Variants in ARHGEF38 observed in about 807,000 individuals in gnomAD.
ARHGEF38 encodes Rho guanine nucleotide exchange factor 38.
In ARHGEF38, 79 loss-of-function variants were observed where a neutral mutation model predicts 79.9. The ratio of observed to expected loss-of-function variants is 0.99; its 90% CI spans 0.82 to 1.19. ARHGEF38 has a LOEUF of 1.19. ARHGEF38 is among the 50% of genes most tolerant of loss of function. The pLI, the probability that ARHGEF38 is intolerant of heterozygous loss-of-function variation, is 0.00. For synonymous variants in ARHGEF38, 366 were observed against 328.3 expected, an observed-to-expected ratio of 1.11 and a Z score of -1.24; for missense variants, 962 against 907.2, an observed-to-expected ratio of 1.06 and a Z score of -0.78.
intron 1 of ARHGEF38, among the ~76,000 whole-genome samples, chr4:105,569,647 A>G (rs990407243): frequency 1.3e-5 from 2 of 152,204 alleles, no homozygotes; most frequent in African/African-American, 4.8e-5. Flanking sequence ...GCAGTGGTTA[A>G]CATGCAGGTT....
chr4:105,636,426 T>A lies in ARHGEF38; in HGVS notation c.674+6T>A, dbSNP rs1191534249. ...AGGAAAATATACATGCAAGAGTAAGTACTTTTTAAAATAATATAAATCAAA... is the reference window on the plus strand; with the variant it reads ...AGGAAAATATACATGCAAGAGTAAGAACTTTTTAAAATAATATAAATCAAA... On this transcript the variant is annotated splice_donor_region_variant and intron_variant, in intron 5 of 13. Transcript: ENST00000420470. 9.3e-6 allele frequency: 4 copies of A among 429,440 alleles called. No individual in the cohort carries two copies. The highest frequency in any genetic ancestry group is 1.4e-5 in the Non-Finnish European group (4 of 283,282). 26.6% of individuals were successfully genotyped at this position (429,440 alleles called of 1,614,324 possible).
In ARHGEF38 at chr4:105,679,467, A is replaced by G. The variant is rs1193362919; in HGVS notation, c.*1530A>G. ...TATTTCCTCTAGGCTTTCCAGAGTC[A>G]TGGTCACAAACCCCTTATCAGAGTT... On this transcript the variant is annotated 3_prime_UTR_variant, in exon 14 of 14. Transcript: ENST00000420470. The G allele has an allele frequency of 1.9e-6, 3 of 1,589,336 alleles. No homozygotes were observed. Among genetic ancestry groups the G allele is most frequent in the Non-Finnish European group, 2.6e-6 (3 of 1,160,556 alleles).
chr4:105,553,475 A>G (rs939746964), intron 1 of ARHGEF38, among the ~76,000 whole-genome samples: 12 of 152,214 alleles, frequency 7.9e-5, no homozygotes, highest in African/African-American at 2.9e-4. Context: ...AGACGGTATA[A>G]AAAGATTTGC....
rs374819816 is a variant in ARHGEF38, at chr4:105,644,751, T to C, written c.675-437T>C. On this transcript the variant is annotated intron_variant, in intron 5 of 13. Coordinates refer to ENST00000420470, the MANE Select transcript of ARHGEF38 (RefSeq NM_001242729.2). ...GGAAGAGAGAGGCCAAGACTTCCTT[T>C]TAACTATACCTTTGCAAGCCTCTGT... Among the ~76,000 whole-genome samples, 15 of 152,338 alleles carry C rather than the reference T, an allele frequency of 9.8e-5. No homozygotes were observed. In the East Asian group the frequency reaches 1.9e-3, roughly 20 times the overall value.
intron 1 of ARHGEF38, among the ~76,000 whole-genome samples, chr4:105,555,654 G>A (rs1725220493): frequency 6.6e-6 from 1 of 152,014 alleles, no homozygotes; most frequent in South Asian, 2.1e-4. Context: ...TCAAATACTG[G>A]AATTTCTGGC....
rs570080166 is a variant in ARHGEF38, at chr4:105,577,970, G to A, written c.197-11278G>A. 1.2e-4 allele frequency among the ~76,000 whole-genome samples: 19 copies of A among 152,020 alleles called. No homozygotes were observed. In the East Asian group the frequency reaches 3.3e-3, roughly 26 times the overall value. ...TATTCCTCTTCTTCTGCTAGCTTTG[G>A]ATTGAGTTTGTTCTTTTTTCTCTAG... On this transcript the variant is annotated intron_variant, in intron 1 of 13. Coordinates refer to ENST00000420470, the MANE Select transcript of ARHGEF38 (RefSeq NM_001242729.2).
At position 105,641,496 on chromosome 4, in the gene ARHGEF38, A is replaced by T. The variant is rs116885220; in HGVS notation, c.675-3692A>T. Among the ~76,000 whole-genome samples the T allele has an allele frequency of 5.1e-3, 769 of 152,216 alleles. 14 individuals are homozygous for T. Among genetic ancestry groups the T allele is most frequent in the East Asian group, 0.045 (231 of 5,182 alleles). On this transcript the variant is annotated intron_variant, in intron 5 of 13. Transcript: ENST00000420470. ...GCTGTTTATTTGTGTAACAATATAC[A>T]GTTTCCTTTAAAATTGACTTAGGTA...
intron 4 of ARHGEF38, among the ~76,000 whole-genome samples, chr4:105,635,530 T>C (rs1560736763): frequency 6.6e-6 from 1 of 152,166 alleles, no homozygotes; most frequent in South Asian, 2.1e-4. Context: ...GATTCCTAAA[T>C]GATCACATTA....
intron 1 of ARHGEF38, among the ~76,000 whole-genome samples, chr4:105,587,562 G>A (rs1441908834): frequency 6.6e-6 from 1 of 152,192 alleles, no homozygotes; most frequent in Non-Finnish European, 1.5e-5. Context: ...CCGGGTTCAT[G>A]ACATTCTCCT....
At position 105,659,480 on chromosome 4, in the gene ARHGEF38, G is replaced by T. The variant is rs1471143836; in HGVS notation, c.1545+115G>T. 2.8e-6 allele frequency: 3 copies of T among 1,065,896 alleles called. No individual in the cohort carries two copies. In the African/African-American group the frequency reaches 4.8e-5, roughly 17 times the overall value. 66.0% of individuals were successfully genotyped at this position (1,065,896 alleles called of 1,614,324 possible). ...CACATGTATGCCGTGTGGTGTGTGT[G>T]TATTTATTTTAACTAAATCCAGTCA... On this transcript the variant is annotated intron_variant, in intron 10 of 13. Transcript: ENST00000420470.
intron 1 of ARHGEF38, among the ~76,000 whole-genome samples, chr4:105,579,110 C>A (rs1284779394): frequency 6.6e-6 from 1 of 152,120 alleles, no homozygotes; most frequent in Non-Finnish European, 1.5e-5. Flanking sequence ...TATCCTGAAA[C>A]TTTGCTGAAT....
intron 1 of ARHGEF38, among the ~76,000 whole-genome samples, chr4:105,556,412 T>C (rs1249771958): frequency 6.6e-6 from 1 of 151,758 alleles, no homozygotes; most frequent in Non-Finnish European, 1.5e-5. Context: ...GAAGTGGAGG[T>C]AGGATCAGTG....
intron 2 of ARHGEF38, among the ~76,000 whole-genome samples, chr4:105,606,544 T>A: frequency 6.6e-6 from 1 of 152,078 alleles, no homozygotes; most frequent in Non-Finnish European, 1.5e-5. Flanking sequence ...TAAAATCCTT[T>A]AAAAAATTAA....
In ARHGEF38 at chr4:105,667,210, C is replaced by A. The variant is rs183826115; in HGVS notation, c.1771C>A (p.Arg591Ser). ...YSAEELYQAK[R>S]KCNATQEYDI... ...TGCAGAGGAACTCTATCAAGCTAAG[C>A]GCAAGTGCAATGCTACACAAGAATA... Residue 591 changes from arginine to serine, a missense_variant, in exon 12 of 14, where the codon CGC becomes AGC. By Grantham distance (110) the Arg-to-Ser change is moderately radical. Transcript: ENST00000420470. 5 of 1,536,022 alleles carry A rather than the reference C, an allele frequency of 3.3e-6. No homozygotes were observed. In the African/African-American group the frequency reaches 6.8e-5, roughly 21 times the overall value.
Position 105,652,944 on chromosome 4 carries a change from A to G in ARHGEF38, c.1009-1121A>G, listed in dbSNP as rs183812894. ...TCTAATATCAACCCTCTTAAATTTA[A>G]AAACAGATGAACCAAGCACTGCTAT... On this transcript the variant is annotated intron_variant, in intron 7 of 13. Coordinates refer to ENST00000420470, the MANE Select transcript of ARHGEF38 (RefSeq NM_001242729.2). 1.1e-3 allele frequency among the ~76,000 whole-genome samples: 169 copies of G among 152,334 alleles called. 1 individual carries two copies. The highest frequency in any genetic ancestry group is 3.9e-3 in the African/African-American group (163 of 41,562).
At chr4:105,631,500 A>G in intron 4 of ARHGEF38, 1 of 985,604 alleles carries the variant, frequency 1.0e-6, no homozygotes, top group Non-Finnish European at 1.2e-6. Context: ...GGTGAAGACA[A>G]GTCAGGCCTT....
chr4:105,635,253 C>G (rs906223406), intron 4 of ARHGEF38, among the ~76,000 whole-genome samples: 2 of 151,988 alleles, frequency 1.3e-5, no homozygotes, highest in Non-Finnish European at 2.9e-5. Flanking sequence ...AAGTTTCAGC[C>G]TAAAAGAGAT....
rs963729954 is a variant in ARHGEF38 at position 105,613,586 on chromosome 4, G to C, written c.508+79G>C. On this transcript the variant is annotated intron_variant, in intron 3 of 13. Coordinates refer to ENST00000420470, the MANE Select transcript of ARHGEF38 (RefSeq NM_001242729.2). ...TAACCTCCCTTTGCTTTGGTTTTTT[G>C]TTCCTGACTCACCATGCTTCCCAGG... 2.0e-6 allele frequency: 3 copies of C among 1,513,228 alleles called. No individual in the cohort carries two copies. In the Admixed American group the frequency reaches 5.3e-5, roughly 27 times the overall value. 93.7% of individuals were successfully genotyped at this position (1,513,228 alleles called of 1,614,324 possible).
At chr4:105,578,193 C>T (rs1373193055) in intron 1 of ARHGEF38, among the ~76,000 whole-genome samples, 1 of 152,140 alleles carries the variant, frequency 6.6e-6, no homozygotes, top group Non-Finnish European at 1.5e-5. Flanking sequence ...CAAAATCATT[C>T]AGGAGCAGAT....
Sources: allele counts gnomAD v4.1 joint callset (sites outside exome capture counted in the v4.1 genomes callset), GRCh38; gene constraint gnomAD v4.1.1; transcripts MANE v1.5; gene names NCBI Gene and HGNC (gene_info 2026-07-23, HGNC 2026-07-21).